CCDC90B: variants seen among roughly 807,000 people sequenced by gnomAD.
CCDC90B encodes the protein coiled-coil domain-containing protein 90B, mitochondrial.
In CCDC90B, 24 loss-of-function variants were observed where a neutral mutation model predicts 37.0. That is an observed-to-expected ratio of 0.65 (90% CI 0.47 to 0.91). CCDC90B has a LOEUF of 0.91. CCDC90B is among the 40% of genes least tolerant of loss of function. The pLI, the probability that CCDC90B is intolerant of heterozygous loss-of-function variation, is 0.00. For synonymous variants in CCDC90B, 113 were observed against 101.1 expected (o/e 1.12, Z -0.71); for missense variants, 319 against 299.0 (o/e 1.07, Z -0.49).
At position 83,280,225 on chromosome 11, in the gene CCDC90B, T is replaced by C. The variant is rs777779300; in HGVS notation, c.136A>G (p.Arg46Gly). Residue 46 changes from arginine (R) to glycine (G), a missense_variant, in exon 2 of 9, where the codon AGG (arginine) becomes GGG (glycine). Physicochemically the swap from Arg to Gly is moderately radical, Grantham distance 125. Coordinates refer to ENST00000529689, the MANE Select transcript of CCDC90B (RefSeq NM_021825.5). ...AAAGGAGTTATATCCACTGGCCGCCTATCATATCCCTCCTTGGTTGTGGTA... is the reference window on the plus strand; with the variant it reads ...AAAGGAGTTATATCCACTGGCCGCCCATCATATCCCTCCTTGGTTGTGGTA... ...FTTTTKEGYDRRPVDITPLEQ... is the reference protein window; with the variant it reads ...FTTTTKEGYDGRPVDITPLEQ... 2 of 1,613,328 alleles carry C rather than the reference T, an allele frequency of 1.2e-6. No individual in the cohort carries two copies. Among genetic ancestry groups the C allele is most frequent in the East Asian group, 4.5e-5 (2 of 44,812 alleles).
chr11:83,261,748 C>G lies in CCDC90B; in HGVS notation c.*163G>C. Reference sequence around the variant, plus strand: ...TGCACTCACACACACACAATAAAGACACAGTATCTCTTCTCATTCTAAAAC... The same window carrying G: ...TGCACTCACACACACACAATAAAGAGACAGTATCTCTTCTCATTCTAAAAC... On this transcript the variant is annotated 3_prime_UTR_variant, in exon 9 of 9. Coordinates refer to ENST00000529689, the MANE Select transcript of CCDC90B (RefSeq NM_021825.5). The G allele has an allele frequency of 1.9e-6, 1 of 539,506 alleles. No individual in the cohort carries two copies. The highest frequency in any genetic ancestry group is 3.3e-6 in the Non-Finnish European group (1 of 302,556). The allele number at this position is 539,506 out of a possible 1,614,324, so 33.4% of individuals were successfully genotyped here.
intron 2 of CCDC90B, among the ~76,000 whole-genome samples, chr11:83,279,686 C>A (rs574614269): frequency 2.0e-5 from 3 of 152,206 alleles, no homozygotes; most frequent in Admixed American, 6.5e-5. Context: ...CTTCCTTTCC[C>A]TAATTTGTAA....
intron 7 of CCDC90B, among the ~76,000 whole-genome samples, chr11:83,270,701 A>G (rs371571029): frequency 2.0e-5 from 3 of 152,236 alleles, no homozygotes; most frequent in Non-Finnish European, 4.4e-5. Context: ...AAGAATCAAT[A>G]TTGTGAAAAT....
At chr11:83,272,215 G>T (rs904033696) in intron 7 of CCDC90B, among the ~76,000 whole-genome samples, 1 of 152,074 alleles carries the variant, frequency 6.6e-6, no homozygotes, top group East Asian at 1.9e-4. Context: ...AAACTTGCAC[G>T]TTGTGCACAT....
chr11:83,273,710 A>G lies in CCDC90B; in HGVS notation c.541-10T>C, dbSNP rs537068438. 3.0e-5 allele frequency: 48 copies of G among 1,605,336 alleles called. No homozygotes were observed. In the East Asian group the frequency reaches 1.0e-3, roughly 34 times the overall value. ...TTTCTTGATCTGTAAACTATAGGAT[A>G]TGAAGCAGCAGGAAGTTAAAAAAAA... On this transcript the variant is annotated splice_polypyrimidine_tract_variant and intron_variant, in intron 6 of 8. Coordinates refer to ENST00000529689, the MANE Select transcript of CCDC90B (RefSeq NM_021825.5).
intron 3 of CCDC90B, among the ~76,000 whole-genome samples, chr11:83,275,875 T>C (rs1377193671): frequency 6.6e-6 from 1 of 152,182 alleles, no homozygotes. Context: ...AAGAGTTGTT[T>C]TGAGGATTAA....
intron 8 of CCDC90B, among the ~76,000 whole-genome samples, chr11:83,264,550 T>C (rs1227471120): frequency 6.6e-6 from 1 of 152,212 alleles, no homozygotes; most frequent in Non-Finnish European, 1.5e-5. Context: ...GTAGAGTTTC[T>C]GCTGAGAGAT....
At chr11:83,275,951 T>C (rs1865000559) in intron 3 of CCDC90B, among the ~76,000 whole-genome samples, 3 of 152,246 alleles carry the variant, frequency 2.0e-5, no homozygotes, top group Admixed American at 2.0e-4. Context: ...AGATGTTAGC[T>C]ATTATTATTA....
In CCDC90B at chr11:83,278,723, T is replaced by A; in HGVS notation, c.324+3A>T. 6.3e-7 allele frequency: 1 copy of A among 1,575,270 alleles called. No individual in the cohort carries two copies. The highest frequency in any genetic ancestry group is 1.1e-5 in the South Asian group (1 of 89,996). ...TCAGAAGTGATAGTAATCAGTGTAT[T>A]ACCTGTTGAGCTTGAGTGACCATCT... On this transcript the variant is annotated splice_donor_region_variant and intron_variant, in intron 3 of 8. Transcript: ENST00000529689.
intron 3 of CCDC90B, among the ~76,000 whole-genome samples, 191 bp from the exon 4 acceptor site, chr11:83,274,931 G>A (rs892788475): frequency 2.0e-5 from 3 of 152,066 alleles, no homozygotes; most frequent in Non-Finnish European, 4.4e-5. Flanking sequence ...AAGAAAAAAA[G>A]GATTTCCTAG....
chr11:83,273,558 A>G, intron 7 of CCDC90B, 89 bp downstream of exon 7: 2 of 1,027,776 alleles, frequency 1.9e-6, no homozygotes, highest in African/African-American at 1.6e-5. Context: ...TAGTTTTTAA[A>G]AGTCTAAACT....
rs375350714 is a variant in CCDC90B at position 83,285,990 on chromosome 11, G to A, written c.-18C>T. 4 of 1,601,228 alleles carry A rather than the reference G, an allele frequency of 2.5e-6. No homozygotes were observed. The African/African-American group carries it at 5.4e-5, about 21-fold the overall frequency. ...CTATTCATGTCCTCAGAGTTTTCCGGTGGGAGGGAGGCGGAAGACGGGGTA... is the reference window on the plus strand; with the variant it reads ...CTATTCATGTCCTCAGAGTTTTCCGATGGGAGGGAGGCGGAAGACGGGGTA... On this transcript the variant is annotated 5_prime_UTR_variant, in exon 1 of 9. Coordinates refer to ENST00000529689, the MANE Select transcript of CCDC90B (RefSeq NM_021825.5).
At chr11:83,262,052 G>A in intron 8 of CCDC90B, 86 bp from the exon 9 acceptor site, 2 of 923,550 alleles carry the variant, frequency 2.2e-6, no homozygotes, top group Non-Finnish European at 3.2e-6. Context: ...TTTAAGTGAA[G>A]AGCAAAAAAC....
chr11:83,271,007 A>G (rs1253431559), intron 7 of CCDC90B, among the ~76,000 whole-genome samples: 1 of 152,230 alleles, frequency 6.6e-6, no homozygotes, highest in Non-Finnish European at 1.5e-5. Context: ...AAACCTGACA[A>G]AAACAAGAAA....
chr11:83,281,040 G>A (rs935958872), intron 1 of CCDC90B, among the ~76,000 whole-genome samples: 1 of 152,080 alleles, frequency 6.6e-6, no homozygotes, highest in Non-Finnish European at 1.5e-5. Flanking sequence ...TCTATATATT[G>A]CTGATGAATT....
intron 7 of CCDC90B, among the ~76,000 whole-genome samples, chr11:83,269,302 C>A (rs1486038707): frequency 6.6e-6 from 1 of 151,664 alleles, no homozygotes; most frequent in African/African-American, 2.4e-5. Flanking sequence ...ATAAGAGACA[C>A]AACAAACCCT....
chr11:83,285,458 C>A, intron 1 of CCDC90B: 1 of 1,115,946 alleles, frequency 9.0e-7, no homozygotes, highest in Non-Finnish European at 1.1e-6. Context: ...ATGCTGTCTA[C>A]CAAAAACCTG....
intron 3 of CCDC90B, 35 bp downstream of exon 3, chr11:83,278,691 G>T: frequency 7.6e-7 from 1 of 1,311,312 alleles, no homozygotes; most frequent in South Asian, 1.2e-5. Flanking sequence ...ATTGTCTAAT[G>T]AAAGTATCAG....
chr11:83,272,247 TA>T (rs1198295419), intron 7 of CCDC90B, among the ~76,000 whole-genome samples: 6 of 152,050 alleles, frequency 3.9e-5, no homozygotes, highest in African/African-American at 1.2e-4. Context: ...CTTAAAGTAT[TA>T]AAAAAAATTT....
Sources: gnomAD v4.1 joint callset for allele counts (sites outside exome capture counted in the v4.1 genomes callset) on GRCh38, gnomAD v4.1.1 for gene constraint, MANE v1.5 for transcripts, NCBI Gene and HGNC (gene_info 2026-07-23, HGNC 2026-07-21) for gene names.